The following ACTR2 variants were observed in gnomAD, a reference collection of about 807,000 sequenced individuals.
The protein encoded by ACTR2 is actin-related protein 2.
Under a neutral mutation model 50.2 loss-of-function variants are expected in ACTR2, and 5 were observed. The observed-to-expected ratio is 0.10, with a 90% CI of 0.05 to 0.21. ACTR2 has a LOEUF of 0.21. ACTR2 is among the 10% of genes least tolerant of loss of function. ACTR2 has a pLI of 1.00. For synonymous variants in ACTR2, 140 were observed against 162.9 expected (o/e 0.86, Z 1.07); for missense variants, 180 against 480.6 (o/e 0.37, Z 5.85).
intron 8 of ACTR2, among the ~76,000 whole-genome samples, chr2:65,267,904 T>C (rs529745555): frequency 5.9e-5 from 7 of 119,396 alleles, no homozygotes; most frequent in African/African-American, 2.3e-4. Context: ...ATTGAGTCTC[T>C]GGGCTCACTG....
intron 3 of ACTR2, among the ~76,000 whole-genome samples, chr2:65,250,330 C>T (rs1359399682): frequency 6.7e-6 from 1 of 150,030 alleles, no homozygotes; most frequent in Admixed American, 6.7e-5. Flanking sequence ...CACCACTGCA[C>T]TCCAGCCTGG....
rs531382370 is a variant in ACTR2 at position 65,256,305 on chromosome 2, A to G, written c.735+611A>G. On this transcript the variant is annotated intron_variant, in intron 6 of 8. Coordinates refer to ENST00000260641, the MANE Select transcript of ACTR2 (RefSeq NM_005722.4). ...ATTCTTTAATGAGGTGTTAAATGTT[A>G]ACTTGAAATTGTAACTAATGAGATT... Among the ~76,000 whole-genome samples the G allele has an allele frequency of 3.9e-5, 6 of 152,328 alleles. No homozygotes were observed. The East Asian group carries it at 7.7e-4, about 20-fold the overall frequency.
rs956981513 is a variant in ACTR2 at position 65,261,269 on chromosome 2, A to G, written c.758A>G (p.Lys253Arg). 6.2e-7 allele frequency: 1 copy of G among 1,613,984 alleles called. No homozygotes were observed. Among genetic ancestry groups the G allele is most frequent in the Admixed American group, 1.7e-5 (1 of 60,018 alleles). ...TAGCTCCCAGATGGACGTATCATCA[A>G]AGTTGGGGGAGAGAGATTTGAAGCA... is the stretch of plus-strand genomic sequence containing the variant. ...SYTLPDGRIIKVGGERFEAPE... is the reference protein window; with the variant it reads ...SYTLPDGRIIRVGGERFEAPE... Residue 253 changes from lysine (K) to arginine (R), a missense_variant, in exon 7 of 9, where the codon AAA becomes AGA. By Grantham distance (26) the Lys-to-Arg change is conservative (BLOSUM62 2). Transcript: ENST00000260641.
chr2:65,246,491 A>AT (rs1421570707), intron 2 of ACTR2, 33 bp from the exon 3 acceptor site: 1 of 1,453,194 alleles, frequency 6.9e-7, no homozygotes, highest in Non-Finnish European at 9.4e-7. Flanking sequence ...ATTATGCAAA[A>AT]CTTTGATCTA....
Position 65,270,452 on chromosome 2 carries a change from T to C in ACTR2, c.*1718T>C, listed in dbSNP as rs1190301560. The C allele has an allele frequency of 1.3e-5, 2 of 152,664 alleles. No individual in the cohort carries two copies. Among genetic ancestry groups the C allele is most frequent in the Non-Finnish European group, 2.9e-5 (2 of 68,042 alleles). 9.5% of individuals were successfully genotyped at this position (152,664 alleles called of 1,614,324 possible). A position where few individuals can be genotyped will look rare whatever the true frequency, so the allele number is the denominator to read the frequency against. The stretch of plus-strand genomic sequence containing the variant: ...CCTCAGAACCCTGAATAGCCCGTAC[T>C]AGATCTTGGGAACATGGATCTTAGA... On this transcript the variant is annotated 3_prime_UTR_variant, in exon 9 of 9. Transcript: ENST00000260641.
At chr2:65,250,093 G>A (rs932461353) in intron 3 of ACTR2, among the ~76,000 whole-genome samples, 11 of 152,290 alleles carry the variant, frequency 7.2e-5, no homozygotes, top group Admixed American at 2.0e-4. Context: ...GGCCGGGTGC[G>A]GTGGCTCACG....
intron 1 of ACTR2, among the ~76,000 whole-genome samples, chr2:65,233,871 A>G (rs1671684680): frequency 6.6e-6 from 1 of 151,984 alleles, no homozygotes; most frequent in Non-Finnish European, 1.5e-5. Context: ...TTGGCCTCCT[A>G]AAGTGCTGGG....
At chr2:65,260,785 A>C (rs1199846052) in intron 6 of ACTR2, among the ~76,000 whole-genome samples, 1 of 142,500 alleles carries the variant, frequency 7.0e-6, no homozygotes, top group Non-Finnish European at 1.5e-5. Flanking sequence ...GCTGGAGTGC[A>C]GTGGCGTGAT....
chr2:65,267,165 A>C (rs1202010043), intron 8 of ACTR2, among the ~76,000 whole-genome samples: 1 of 152,130 alleles, frequency 6.6e-6, no homozygotes, highest in African/African-American at 2.4e-5. Flanking sequence ...CTTATGCCAA[A>C]ACTGGTTTGT....
At chr2:65,249,111 A>T (rs1415378434) in intron 3 of ACTR2, among the ~76,000 whole-genome samples, 1 of 152,228 alleles carries the variant, frequency 6.6e-6, no homozygotes, top group African/African-American at 2.4e-5. Flanking sequence ...CTCATAGTTT[A>T]AATAAGTAAT....
chr2:65,246,782 AT>A, intron 3 of ACTR2, 43 bp downstream of exon 3: 1 of 1,335,876 alleles, frequency 7.5e-7, no homozygotes, highest in Non-Finnish European at 1.0e-6. Flanking sequence ...TTTCTGTGAT[AT>A]TATGTTAAAT....
intron 2 of ACTR2, among the ~76,000 whole-genome samples, chr2:65,243,762 G>A (rs268859): frequency 0.33 from 49,814 of 152,036 alleles, 9,122 homozygotes; most frequent in African/African-American, 0.48. Context: ...CTTGGCAAAT[G>A]TAATCCCTAC....
At chr2:65,255,237 T>A (rs540724938) in intron 5 of ACTR2, among the ~76,000 whole-genome samples, 1 of 152,332 alleles carries the variant, frequency 6.6e-6, no homozygotes, top group East Asian at 1.9e-4. Flanking sequence ...TATTTATTCA[T>A]TAATATACTT....
intron 2 of ACTR2, 119 bp from the exon 3 acceptor site, chr2:65,246,405 T>G (rs1671940875): frequency 1.4e-6 from 1 of 717,112 alleles, no homozygotes; most frequent in African/African-American, 1.8e-5. Context: ...AAAGATTTTC[T>G]AACTTGTGGA....
rs943601300 is a variant in ACTR2 at position 65,263,003 on chromosome 2, C to CAT, written c.881+1625_881+1626dup. On this transcript the variant is annotated intron_variant, in intron 7 of 8. Coordinates refer to ENST00000260641, the MANE Select transcript of ACTR2 (RefSeq NM_005722.4). ...CAAAAGAAAGTTCCTAAAAAAAAAA[C>CAT]ATATATATATATATAAAACATATTT... 3.3e-3 allele frequency among the ~76,000 whole-genome samples: 473 copies of CAT among 143,004 alleles called. 1 individual carries two copies. Among genetic ancestry groups the CAT allele is most frequent in the African/African-American group, 9.4e-3 (369 of 39,168 alleles). The allele number at this position is 143,004 out of a possible 152,430, so 93.8% of individuals were successfully genotyped here.
intron 3 of ACTR2, among the ~76,000 whole-genome samples, chr2:65,247,310 C>T (rs763561978): frequency 2.1e-4 from 32 of 152,142 alleles, no homozygotes; most frequent in Middle Eastern, 3.4e-3. Context: ...AAATCATGGC[C>T]GGGCGCGGTG....
At chr2:65,244,129 T>G (rs1671891249) in intron 2 of ACTR2, among the ~76,000 whole-genome samples, 1 of 152,206 alleles carries the variant, frequency 6.6e-6, no homozygotes, top group Non-Finnish European at 1.5e-5. Flanking sequence ...GTATGTGTGG[T>G]CCTAGAAGTA....
intron 3 of ACTR2, among the ~76,000 whole-genome samples, chr2:65,247,744 G>C (rs1211554393): frequency 6.6e-6 from 1 of 152,188 alleles, no homozygotes; most frequent in Non-Finnish European, 1.5e-5. Context: ...AGAGGTGCAA[G>C]GGGAGGCAGG....
intron 7 of ACTR2, 61 bp from the exon 8 acceptor site, chr2:65,264,982 A>T (rs963403217): frequency 2.5e-6 from 4 of 1,590,526 alleles, no homozygotes; most frequent in Non-Finnish European, 3.4e-6. Flanking sequence ...AGTAACAGTA[A>T]CCCTGAGATA....
Sources: allele counts gnomAD v4.1 joint callset (sites outside exome capture counted in the v4.1 genomes callset), GRCh38; gene constraint gnomAD v4.1.1; transcripts MANE v1.5; gene names NCBI Gene and HGNC (gene_info 2026-07-23, HGNC 2026-07-21).